Variants in QRICH1 observed in about 807,000 individuals in gnomAD.
QRICH1 encodes transcriptional regulator QRICH1.
Under a neutral mutation model 87.1 loss-of-function variants are expected in QRICH1, and 16 were observed. The ratio of observed to expected loss-of-function variants is 0.18; its 90% CI spans 0.12 to 0.28. The LOEUF (loss-of-function observed/expected upper bound fraction) is 0.28. QRICH1 is among the 10% of genes least tolerant of loss of function. The pLI is 1.00. For synonymous variants in QRICH1, 367 were observed against 368.4 expected (o/e 1.00, Z 0.05); for missense variants, 647 against 951.7 (o/e 0.68, Z 4.21).
At chr3:49,046,193 C>T (rs374614176) in intron 5 of QRICH1, among the ~76,000 whole-genome samples, 4 of 150,990 alleles carry the variant, frequency 2.6e-5, no homozygotes, top group African/African-American at 7.3e-5. Context: ...GCTGGGATTA[C>T]AGGCGTGAGC....
At chr3:49,068,464 A>C (rs1363854052) in intron 2 of QRICH1, among the ~76,000 whole-genome samples, 2 of 63,316 alleles carry the variant, frequency 3.2e-5, no homozygotes, top group Admixed American at 2.1e-4. Context: ...TCTCAAAAAA[A>C]TTAAAAAAAA....
At chr3:49,065,658 G>A (rs1428028297) in intron 2 of QRICH1, among the ~76,000 whole-genome samples, 1 of 151,918 alleles carries the variant, frequency 6.6e-6, no homozygotes, top group Admixed American at 6.6e-5. Context: ...CCTAAAAGGT[G>A]CTTGGAGGCT....
At chr3:49,052,822 C>A (rs1208749270) in intron 3 of QRICH1, among the ~76,000 whole-genome samples, 3 of 152,158 alleles carry the variant, frequency 2.0e-5, no homozygotes, top group Non-Finnish European at 4.4e-5. Flanking sequence ...ACTTTTTAAG[C>A]ATGGCTTTGG....
At chr3:49,087,150 G>C (rs564144498) in intron 1 of QRICH1, 2 of 152,312 alleles carry the variant, frequency 1.3e-5, no homozygotes, top group South Asian at 2.1e-4. Context: ...TCAGCTACTC[G>C]GGAGGCTGAG....
At chr3:49,083,927 G>A (rs1370748186) in intron 1 of QRICH1, among the ~76,000 whole-genome samples, 4 of 150,842 alleles carry the variant, frequency 2.7e-5, no homozygotes, top group Non-Finnish European at 4.4e-5. Context: ...TCAGCCTCCC[G>A]AGTAGCTAGG....
At chr3:49,053,583 G>C (rs751921438) in intron 3 of QRICH1, among the ~76,000 whole-genome samples, 1 of 151,994 alleles carries the variant, frequency 6.6e-6, no homozygotes, top group Non-Finnish European at 1.5e-5. Flanking sequence ...CTGGCTATAG[G>C]GGGGTCACTG....
chr3:49,094,219 T>C (rs1341100987), upstream of QRICH1: 3 of 386,304 alleles, frequency 7.8e-6, no homozygotes, highest in African/African-American at 2.1e-5. Context: ...TCCTAGGGTA[T>C]GGAGCGGCTC....
At chr3:49,082,226 T>G (rs146363059) in intron 1 of QRICH1, among the ~76,000 whole-genome samples, 1 of 152,344 alleles carries the variant, frequency 6.6e-6, no homozygotes, top group African/African-American at 2.4e-5. Flanking sequence ...CATGAGCCAC[T>G]GCGCCCAGCA....
intron 6 of QRICH1, among the ~76,000 whole-genome samples, chr3:49,035,008 A>G (rs935033742): frequency 6.6e-6 from 1 of 152,180 alleles, no homozygotes; most frequent in Non-Finnish European, 1.5e-5. Context: ...CTAATAGTGC[A>G]TTTCCATCTC....
chr3:49,035,074 G>A (rs1311884662), intron 6 of QRICH1, among the ~76,000 whole-genome samples: 1 of 152,142 alleles, frequency 6.6e-6, no homozygotes, highest in Non-Finnish European at 1.5e-5. Context: ...TTGTGACCCA[G>A]TGGCAATGGG....
chr3:49,053,122 T>C (rs1288007880), intron 3 of QRICH1, among the ~76,000 whole-genome samples: 1 of 152,074 alleles, frequency 6.6e-6, no homozygotes, highest in Non-Finnish European at 1.5e-5. Context: ...AAGGCACCGG[T>C]AAGCCTCCTG....
chr3:49,035,027 A>C (rs2093266348), intron 6 of QRICH1, among the ~76,000 whole-genome samples: 2 of 152,176 alleles, frequency 1.3e-5, no homozygotes, highest in African/African-American at 4.8e-5. Flanking sequence ...TCTTTAAGGC[A>C]GTTCTGACTC....
chr3:49,042,078 T>G (rs911298006), intron 6 of QRICH1, among the ~76,000 whole-genome samples: 7 of 146,352 alleles, frequency 4.8e-5, no homozygotes, highest in African/African-American at 1.0e-4. Context: ...CAGACTGTGT[T>G]TTTTTTTTTT....
At chr3:49,067,634 A>G (rs908187499) in intron 2 of QRICH1, among the ~76,000 whole-genome samples, 1 of 152,028 alleles carries the variant, frequency 6.6e-6, no homozygotes, top group African/African-American at 2.4e-5. Context: ...TTTAATTTAT[A>G]TAAGAGCCAA....
intron 1 of QRICH1, among the ~76,000 whole-genome samples, chr3:49,082,698 A>T (rs2042085435): frequency 6.6e-6 from 1 of 151,674 alleles, no homozygotes; most frequent in Admixed American, 6.6e-5. Flanking sequence ...GATCGAGACC[A>T]CCCTGGCTAA....
rs1158748241 is a variant in QRICH1, at chr3:49,071,116, G to A, written c.309+5593C>T. On this transcript the variant is annotated intron_variant, in intron 2 of 9. Coordinates refer to ENST00000395443, the MANE Select transcript of QRICH1 (RefSeq NM_198880.3). ...CTCTTGCTCTATCGCCCAGGCTGGAGTGCAGTGGTGTGACCCTGGCTCTCT... is the reference window on the plus strand; with the variant it reads ...CTCTTGCTCTATCGCCCAGGCTGGAATGCAGTGGTGTGACCCTGGCTCTCT... 2.0e-5 allele frequency among the ~76,000 whole-genome samples: 3 copies of A among 151,370 alleles called. No homozygotes were observed. The East Asian group carries it at 5.8e-4, about 29-fold the overall frequency.
chr3:49,051,601 C>G (rs779123669), intron 3 of QRICH1, among the ~76,000 whole-genome samples: 3 of 136,658 alleles, frequency 2.2e-5, no homozygotes, highest in African/African-American at 8.0e-5. Flanking sequence ...CCCCCCTCCG[C>G]TTAATATACC....
chr3:49,030,782 AC>A (rs1221358032), intron 9 of QRICH1, 138 bp from the exon 10 acceptor site: 11 of 733,040 alleles, frequency 1.5e-5, no homozygotes, highest in Admixed American at 3.3e-5. Context: ...CCATGCAGCC[AC>A]CACACACTAC....
In QRICH1 at chr3:49,076,768, C is replaced by T. The variant is rs760383510; in HGVS notation, c.250G>A (p.Val84Ile). Residue 84 changes from valine to isoleucine, a missense_variant, in exon 2 of 10, where the codon GTT becomes ATT. Val to Ile is a conservative substitution (Grantham distance 29). Around this residue, in one of 7 missense-constraint regions of QRICH1, gnomAD observed 56 missense variants for 109.6 expected, o/e 0.51. Coordinates refer to ENST00000395443, the MANE Select transcript of QRICH1 (RefSeq NM_198880.3). ...TGTTCTTGCTGGGTTTGTGGCTGAA[C>T]ACTGGTGGTGACTGGACAGGCAAGT... Reference protein sequence around the residue: ...LELACPVTTSVQPQTQQEQQI... With the variant: ...LELACPVTTSIQPQTQQEQQI... 39 of 1,609,168 alleles carry T rather than the reference C, an allele frequency of 2.4e-5. No homozygotes were observed. The highest frequency in any genetic ancestry group is 3.3e-5 in the Non-Finnish European group (39 of 1,176,978).
Sources: gnomAD v4.1 joint callset for allele counts (sites outside exome capture counted in the v4.1 genomes callset) on GRCh38, gnomAD v4.1.1 for gene constraint, gnomAD v4.1.1 regional missense constraint, MANE v1.5 for transcripts, NCBI Gene and HGNC (gene_info 2026-07-23, HGNC 2026-07-21) for gene names.